The following SSPN variants were observed in gnomAD, a reference collection of about 807,000 sequenced individuals.
SSPN encodes sarcospan, also known as K-ras oncogene-associated protein.
SSPN carries 15 observed loss-of-function variants against 19.1 expected under a neutral mutation model. The observed-to-expected ratio is 0.78, with a 90% confidence interval of 0.52 to 1.21. The LOEUF is 1.21. SSPN is among the 50% of genes most tolerant of loss of function. The probability of loss-of-function intolerance (pLI) is 0.00; values close to 1 mark genes in which losing one functional copy is unlikely to be tolerated. For missense variants in SSPN, 291 were observed against 314.0 expected (o/e 0.93, Z 0.55); for synonymous variants, 147 against 140.3 (o/e 1.05, Z -0.34).
chr12:26,183,561 G>T (rs1200609526), intron 1 of SSPN, among the ~76,000 whole-genome samples: 2 of 152,190 alleles, frequency 1.3e-5, no homozygotes, highest in East Asian at 1.9e-4. Context: ...AATTAATTCT[G>T]TGTTTGTTGT....
chr12:26,218,724 C>T (rs1038688693), intron 1 of SSPN, among the ~76,000 whole-genome samples: 9 of 152,038 alleles, frequency 5.9e-5, no homozygotes, highest in African/African-American at 1.2e-4. Context: ...TTAATTGATC[C>T]GTGTGAAATG....
In SSPN at chr12:26,232,183, G is replaced by A. The variant is rs1168889076; in HGVS notation, c.*1107G>A. The A allele has an allele frequency of 2.0e-6, 2 of 985,420 alleles. No individual in the cohort carries two copies. Among genetic ancestry groups the A allele is most frequent in the East Asian group, 1.1e-4 (1 of 8,820 alleles). The allele number at this position is 985,420 out of a possible 1,614,324, so 61.0% of individuals were successfully genotyped here. On this transcript the variant is annotated 3_prime_UTR_variant, in exon 3 of 3. Transcript: ENST00000242729. ...GGTAATGCTGATGTGTTCCATTCATGAAACTGTATTTGATACATAATCCTA... is the reference window on the plus strand; with the variant it reads ...GGTAATGCTGATGTGTTCCATTCATAAAACTGTATTTGATACATAATCCTA...
intron 1 of SSPN, among the ~76,000 whole-genome samples, chr12:26,132,449 G>T (rs891011249): frequency 6.6e-6 from 1 of 152,106 alleles, no homozygotes; most frequent in Non-Finnish European, 1.5e-5. Context: ...CCTGCTTTTT[G>T]GTACATTTGA....
chr12:26,196,036 C>T (rs1222994961), intron 1 of SSPN, 85 bp downstream of exon 1: 1 of 1,118,306 alleles, frequency 8.9e-7, no homozygotes, highest in Non-Finnish European at 1.2e-6. Flanking sequence ...AACCCAGCTG[C>T]ATGTGCCCTT....
chr12:26,124,431 T>C, intron 1 of SSPN: 2 of 1,417,820 alleles, frequency 1.4e-6, no homozygotes. Flanking sequence ...GGCTGGAATA[T>C]ATTTGCGGGC....
chr12:26,148,086 G>C (rs531196727), intron 1 of SSPN, among the ~76,000 whole-genome samples: 295 of 152,284 alleles, frequency 1.9e-3, no homozygotes, highest in African/African-American at 7.0e-3. Context: ...ATAAATTTCT[G>C]TCAAGGGAGG....
In SSPN at chr12:26,185,851, G is replaced by A. The variant is rs778552674; in HGVS notation, c.-30-38442G>A. On this transcript the variant is annotated intron_variant, in intron 1 of 2. Coordinates refer to the SSPN transcript ENST00000538142. ...GCCTTACACACAATTCTGTCCCAGCGTGTGTCATCCTTTATGACACTTCCC... is the reference window on the plus strand; with the variant it reads ...GCCTTACACACAATTCTGTCCCAGCATGTGTCATCCTTTATGACACTTCCC... Among the ~76,000 whole-genome samples the A allele has an allele frequency of 3.3e-5, 5 of 152,106 alleles. No individual in the cohort carries two copies. In the East Asian group the frequency reaches 5.8e-4, roughly 18 times the overall value.
At chr12:26,125,822 G>A (rs555112147) in intron 1 of SSPN, 1 of 151,692 alleles carries the variant, frequency 6.6e-6, no homozygotes, top group East Asian at 1.9e-4. Context: ...GGTGGCACGA[G>A]AGGGGGTGGC....
chr12:26,212,984 G>A (rs1469991197), intron 1 of SSPN, among the ~76,000 whole-genome samples: 4 of 151,564 alleles, frequency 2.6e-5, no homozygotes, highest in Non-Finnish European at 2.9e-5. Flanking sequence ...TAAACTCTTC[G>A]CTTTATATTT....
intron 1 of SSPN, among the ~76,000 whole-genome samples, chr12:26,166,631 A>C (rs1055404377): frequency 6.6e-6 from 1 of 152,250 alleles, no homozygotes; most frequent in Non-Finnish European, 1.5e-5. Context: ...GACACATTGG[A>C]AACTAAACAA....
intron 1 of SSPN, among the ~76,000 whole-genome samples, chr12:26,220,247 C>CAAAAAA (rs58022147): frequency 2.6e-5 from 3 of 114,482 alleles, no homozygotes; most frequent in African/African-American, 3.7e-5. Context: ...AAGCTGTAGG[C>CAAAAAA]AAAAAAAAAA....
At chr12:26,130,774 C>G (rs76271970) in intron 1 of SSPN, among the ~76,000 whole-genome samples, 1,757 of 152,308 alleles carry the variant, frequency 0.012, 16 homozygotes, top group Non-Finnish European at 0.02. Context: ...TCCCACACTT[C>G]TGCTTTTCCA....
intron 1 of SSPN, chr12:26,214,764 T>A (rs1268483515): frequency 6.6e-6 from 1 of 152,210 alleles, no homozygotes; most frequent in East Asian, 1.9e-4. Context: ...TGTGTTCCTT[T>A]ATCTTGCTTT....
chr12:26,188,238 A>G (rs940542374), intron 1 of SSPN, among the ~76,000 whole-genome samples: 1 of 152,230 alleles, frequency 6.6e-6, no homozygotes, highest in Non-Finnish European at 1.5e-5. Flanking sequence ...ATCTGTACTC[A>G]TAACCACATA....
At chr12:26,190,591 C>A (rs1378703171), upstream of SSPN, among the ~76,000 whole-genome samples, 2 of 151,978 alleles carry the variant, frequency 1.3e-5, no homozygotes, top group Non-Finnish European at 2.9e-5. Flanking sequence ...TTTCAAATCA[C>A]TGAATGTTGG....
At chr12:26,217,183 G>A (rs1376507098) in intron 1 of SSPN, among the ~76,000 whole-genome samples, 2 of 112,178 alleles carry the variant, frequency 1.8e-5, no homozygotes, top group South Asian at 4.2e-4. Flanking sequence ...CCATTTTCAC[G>A]ATATTGATTC....
chr12:26,190,280 A>C (rs1427642109), intron 1 of SSPN, among the ~76,000 whole-genome samples: 4 of 152,134 alleles, frequency 2.6e-5, no homozygotes, highest in Non-Finnish European at 5.9e-5. Flanking sequence ...AAAGAATTGC[A>C]TTTGCCTTGC....
intron 1 of SSPN, among the ~76,000 whole-genome samples, chr12:26,128,887 G>A (rs1404541610): frequency 6.6e-6 from 1 of 152,084 alleles, no homozygotes; most frequent in African/African-American, 2.4e-5. Context: ...GAAATACTTA[G>A]GCCAATTCTC....
chr12:26,215,362 G>C (rs1391852693), intron 1 of SSPN, among the ~76,000 whole-genome samples: 1 of 152,180 alleles, frequency 6.6e-6, no homozygotes, highest in African/African-American at 2.4e-5. Context: ...TTAGTAATGA[G>C]TAATGTGCCA....
Sources: allele counts gnomAD v4.1 joint callset (sites outside exome capture counted in the v4.1 genomes callset), GRCh38; gene constraint gnomAD v4.1.1; transcripts MANE v1.5; gene names NCBI Gene and HGNC (gene_info 2026-07-23, HGNC 2026-07-21).